The following ARHGAP4 variants were observed in gnomAD, a reference collection of about 807,000 sequenced individuals.
ARHGAP4 encodes the protein rho GTPase-activating protein 4.
ARHGAP4 carries 25 observed loss-of-function variants against 67.6 expected under a neutral mutation model. The observed-to-expected ratio is 0.37, with a 90% confidence interval of 0.27 to 0.52. The LOEUF (loss-of-function observed/expected upper bound fraction) is 0.52. Among genes scored for constraint, ARHGAP4 ranks in the 20% least tolerant of loss-of-function variants. The pLI is 0.92. For missense variants in ARHGAP4, 804 were observed against 854.6 expected (o/e 0.94, Z 0.74); for synonymous variants, 448 against 373.7 (o/e 1.20, Z -2.29).
At chrX:153,914,002 C>A in intron 7 of ARHGAP4, 123 bp from the exon 8 acceptor site, 1 of 559,743 alleles carries the variant, frequency 1.8e-6, no homozygotes, top group Non-Finnish European at 2.9e-6. Context: ...GACCACCAGC[C>A]CAGACGCTCA....
chrX:153,925,798 T>A (rs781954678), intron 1 of ARHGAP4, among the ~76,000 whole-genome samples: 22 of 112,965 alleles, frequency 1.9e-4, no homozygotes, highest in African/African-American at 6.7e-4. Context: ...TCACTGTAGC[T>A]AAAATACTGC....
chrX:153,909,380 C>T (rs1325630724), intron 20 of ARHGAP4, 63 bp downstream of exon 20: 12 of 1,089,316 alleles, frequency 1.1e-5, no homozygotes, highest in Non-Finnish European at 1.3e-5. Flanking sequence ...AAAGCCTGAC[C>T]CCAGTCCCCT....
chrX:153,924,238 C>A (rs2065113444), intron 1 of ARHGAP4, among the ~76,000 whole-genome samples: 1 of 112,003 alleles, frequency 8.9e-6, no homozygotes. Flanking sequence ...GCAGAAGGAA[C>A]CAGCAGAGGG....
rs782700196 is a variant in ARHGAP4 at position 153,910,292 on chromosome X, G to A, written c.2035C>T (p.Arg679Trp). Reference sequence around the variant, plus strand: ...AGCGTCTGCACCAGCTGGTTCACCCGGCCCTGCAGCGCCACCGGGTCCTGC... The same window carrying A: ...AGCGTCTGCACCAGCTGGTTCACCCAGCCCTGCAGCGCCACCGGGTCCTGC... ...AGQDPVALQG[R>W]VNQLVQTLIV... is the part of the protein sequence containing the mutation. The change falls in exon 17 of 22, where the codon CGG becomes TGG. Residue 679 changes from arginine (R) to tryptophan (W), a missense_variant. Arg to Trp is a moderately radical substitution (Grantham distance 101). Around this residue, in one of 2 missense-constraint regions of ARHGAP4, gnomAD observed 400 missense variants for 348.7 expected, o/e 1.15. Coordinates refer to ENST00000350060, the MANE Select transcript of ARHGAP4 (RefSeq NM_001666.5). The A allele has an allele frequency of 1.1e-5, 13 of 1,208,448 alleles. No individual in the cohort carries two copies. The highest frequency in any genetic ancestry group is 6.5e-5 in the Admixed American group (3 of 45,823).
At chrX:153,914,696 C>T (rs1404664813) in intron 7 of ARHGAP4, among the ~76,000 whole-genome samples, 1 of 111,389 alleles carries the variant, frequency 9.0e-6, no homozygotes, top group Non-Finnish European at 1.9e-5. Context: ...GACGCCATCT[C>T]AAAATAAAAT....
chrX:153,910,797 G>C lies in ARHGAP4; in HGVS notation c.1719C>G (p.Asp573Glu). Reference protein sequence around the residue: ...DPLVEGCTAHDLDSVAGVLKL... With the variant: ...DPLVEGCTAHELDSVAGVLKL... ...TCAGCACCCCGGCCACCGAGTCCAG[G>C]TCATGGGCAGTGCAGCCCTCCACCA... The change falls in exon 15 of 22, where the codon GAC becomes GAG. Residue 573 changes from aspartate to glutamate, a missense_variant. By Grantham distance (45) the Asp-to-Glu change is conservative. Transcript: ENST00000350060. 1.7e-6 allele frequency: 2 copies of C among 1,190,933 alleles called. No individual in the cohort carries two copies. Among genetic ancestry groups the C allele is most frequent in the Non-Finnish European group, 2.3e-6 (2 of 884,702 alleles).
rs369331728 is a variant in ARHGAP4, at chrX:153,909,186, G to C, written c.2508-17C>G. On this transcript the variant is annotated splice_polypyrimidine_tract_variant and intron_variant, in intron 20 of 21. Transcript: ENST00000350060. The stretch of plus-strand genomic sequence containing the variant: ...GGCTCTGGCCTGCAGGACAGACAGG[G>C]AGCCTGGTGGGGGCCCTGGGAAGTC... 2 of 1,181,430 alleles carry C rather than the reference G, an allele frequency of 1.7e-6. No individual in the cohort carries two copies. Among genetic ancestry groups the C allele is most frequent in the South Asian group, 1.8e-5 (1 of 54,438 alleles).
chrX:153,921,883 G>A, intron 1 of ARHGAP4, 74 bp from the exon 2 acceptor site: 1 of 1,073,566 alleles, frequency 9.3e-7, no homozygotes, highest in African/African-American at 1.8e-5. Flanking sequence ...TGGGATGGGA[G>A]AGGCAGAGGC....
chrX:153,917,028 C>A (rs1397719635), intron 7 of ARHGAP4, among the ~76,000 whole-genome samples: 2 of 111,588 alleles, frequency 1.8e-5, no homozygotes, highest in South Asian at 3.8e-4. Context: ...CCAGCCTGGA[C>A]AATATGGTGA....
chrX:153,926,090 G>A (rs782772297), intron 1 of ARHGAP4, 46 bp downstream of exon 1: 13 of 1,190,392 alleles, frequency 1.1e-5, no homozygotes, highest in Non-Finnish European at 1.5e-5. Flanking sequence ...TCACGACCTT[G>A]GGTTCTCCGC....
chrX:153,923,354 G>A (rs782450262), intron 1 of ARHGAP4, among the ~76,000 whole-genome samples: 3 of 111,718 alleles, frequency 2.7e-5, no homozygotes, highest in Admixed American at 9.5e-5. Flanking sequence ...TGTGGGTTCC[G>A]CCTGCCCAGC....
At position 153,919,373 on chromosome X, in the gene ARHGAP4, C is replaced by A. The variant is rs782655823; in HGVS notation, c.682-90G>T. On this transcript the variant is annotated intron_variant, in intron 5 of 21. Coordinates refer to ENST00000350060, the MANE Select transcript of ARHGAP4 (RefSeq NM_001666.5). The stretch of plus-strand genomic sequence containing the variant: ...ATGTAATGCCCATCGCCTCCCCTCC[C>A]ACTGTGGACAACTACACCTGAACTG... The A allele has an allele frequency of 8.7e-5, 104 of 1,191,323 alleles. 1 individual carries two copies. The South Asian group carries it at 1.8e-3, about 20-fold the overall frequency.
intron 5 of ARHGAP4, chrX:153,920,308 G>C (rs896445157): frequency 2.4e-5 from 7 of 293,095 alleles, no homozygotes; most frequent in Non-Finnish European, 4.2e-5. Context: ...TTCTCCGTGC[G>C]TGTCACCCCA....
At position 153,910,596 on chromosome X, in the gene ARHGAP4, G is replaced by C. The variant is rs782110306; in HGVS notation, c.1832C>G (p.Ala611Gly). ...GCGGCTCACGTGCTCCACCCTCTCC[G>C]CTGTGGCCTCCAGCTCTGTGGCCAA... ...LLASSELEAT[A>G]ERVEHVSRLL... The change falls in exon 16 of 22, where the codon GCG becomes GGG. Residue 611 changes from alanine to glycine, a missense_variant. Ala to Gly is a moderately conservative substitution (Grantham distance 60). Around this residue, in one of 2 missense-constraint regions of ARHGAP4, gnomAD observed 400 missense variants for 348.7 expected, o/e 1.15. Transcript: ENST00000350060. The C allele has an allele frequency of 2.5e-6, 3 of 1,205,501 alleles. No individual in the cohort carries two copies. The African/African-American group carries it at 5.2e-5, about 21-fold the overall frequency.
chrX:153,907,666 G>A lies in ARHGAP4; in HGVS notation c.*63C>T. 2 of 545,175 alleles carry A rather than the reference G, an allele frequency of 3.7e-6. No homozygotes were observed. The highest frequency in any genetic ancestry group is 2.7e-6 in the Non-Finnish European group (1 of 371,788). 44.9% of individuals were successfully genotyped at this position (545,175 alleles called of 1,213,427 possible). A position where few individuals can be genotyped will look rare whatever the true frequency, so the allele number is the denominator to read the frequency against. ...GACAGGGCTGGAGAGAAGCAAGGGG[G>A]CTGGGGAGAGTGGCCGGTCCAGCGG... is the stretch of plus-strand genomic sequence containing the variant. On this transcript the variant is annotated 3_prime_UTR_variant, in exon 22 of 22. Coordinates refer to ENST00000350060, the MANE Select transcript of ARHGAP4 (RefSeq NM_001666.5).
Position 153,921,084 on chromosome X carries a change from G to C in ARHGAP4, c.498+13C>G. ...GACCATTGGGGCAGGCCCCTCCCCA[G>C]CCCTTTCCTCACCGTCTGGAGCTCT... On this transcript the variant is annotated intron_variant, in intron 4 of 21. Transcript: ENST00000350060. 3 of 1,200,338 alleles carry C rather than the reference G, an allele frequency of 2.5e-6. No homozygotes were observed. Among genetic ancestry groups the C allele is most frequent in the Non-Finnish European group, 3.4e-6 (3 of 888,901 alleles).
chrX:153,926,057 GCGCGGGGA>G, intron 1 of ARHGAP4, 71 bp downstream of exon 1: 1 of 1,144,148 alleles, frequency 8.7e-7, no homozygotes. Context: ...CCCTGGGCCA[GCGCGGGGA>G]CGCTTGGAGC....
rs1005432529 is a variant in ARHGAP4 at position 153,922,156 on chromosome X, C to T, written c.68-347G>A. 8.8e-6 allele frequency: 8 copies of T among 913,958 alleles called. No homozygotes were observed. The East Asian group carries it at 3.3e-4, about 38-fold the overall frequency. 75.3% of individuals were successfully genotyped at this position (913,958 alleles called of 1,213,427 possible). A position where few individuals can be genotyped will look rare whatever the true frequency, so the allele number is the denominator to read the frequency against. ...TTTGGCTTCCTGTCTCTCCCTCGTTCCTGGAAAGCCTCTGAATGGTTTCCC... is the reference window on the plus strand; with the variant it reads ...TTTGGCTTCCTGTCTCTCCCTCGTTTCTGGAAAGCCTCTGAATGGTTTCCC... On this transcript the variant is annotated intron_variant, in intron 1 of 21. Transcript: ENST00000350060.
rs782032687 is a variant in ARHGAP4 at position 153,921,721 on chromosome X, G to A, written c.156C>T (p.Phe52=). Residue 52 remains phenylalanine (F), a synonymous_variant, in exon 2 of 22, where the codon TTC becomes TTT. Transcript: ENST00000350060. ...RRELLQELAE[F]MRRRAEVELE... ...GCTCCACCTCAGCGCGGCGCCGCATGAACTCTGCCAGCTCCTGCAGCAACT... is the reference window on the plus strand; with the variant it reads ...GCTCCACCTCAGCGCGGCGCCGCATAAACTCTGCCAGCTCCTGCAGCAACT... 35 of 1,202,658 alleles carry A rather than the reference G, an allele frequency of 2.9e-5. No homozygotes were observed. The highest frequency in any genetic ancestry group is 3.9e-5 in the Non-Finnish European group (35 of 891,493).
Sources: allele counts gnomAD v4.1 joint callset (sites outside exome capture counted in the v4.1 genomes callset), GRCh38; gene constraint gnomAD v4.1.1; regional missense constraint gnomAD v4.1.1; transcripts MANE v1.5; gene names NCBI Gene and HGNC (gene_info 2026-07-23, HGNC 2026-07-21).